PAK3: variants seen among roughly 807,000 people sequenced by gnomAD.
PAK3 encodes the protein p21 (RAC1) activated kinase 3, also known as serine/threonine-protein kinase PAK 3.
Under a neutral mutation model 41.0 loss-of-function variants are expected in PAK3, and 4 were observed. The ratio of observed to expected loss-of-function variants is 0.10; its 90% CI spans 0.05 to 0.22. PAK3 has a LOEUF of 0.22. Ranked by LOEUF, PAK3 falls within the 10% of genes least tolerant of loss-of-function variation. PAK3 has a pLI of 1.00. For missense variants in PAK3, 205 were observed against 409.9 expected (o/e 0.50, Z 4.32); for synonymous variants, 146 against 139.6 (o/e 1.05, Z -0.32).
In PAK3 at chrX:111,220,484, G is replaced by A; in HGVS notation, c.*37G>A. The A allele has an allele frequency of 2.2e-6, 2 of 893,423 alleles. No individual in the cohort carries two copies. Among genetic ancestry groups the A allele is most frequent in the East Asian group, 6.2e-5 (2 of 32,081 alleles). 73.6% of individuals were successfully genotyped at this position (893,423 alleles called of 1,213,427 possible). On this transcript the variant is annotated 3_prime_UTR_variant, in exon 18 of 18. Coordinates refer to ENST00000372007, the MANE Select transcript of PAK3 (RefSeq NM_002578.5). Reference sequence around the variant, plus strand: ...TTACACCTCACCATCTCCCTCATGAGTAAGACTGAAATAAAACTCTGCTGC... The same window carrying A: ...TTACACCTCACCATCTCCCTCATGAATAAGACTGAAATAAAACTCTGCTGC...
intron 5 of PAK3, among the ~76,000 whole-genome samples, chrX:111,139,402 T>C (rs897717572): frequency 9.8e-5 from 11 of 112,262 alleles, no homozygotes; most frequent in African/African-American, 3.6e-4. Flanking sequence ...AATTTTGCAC[T>C]TCCTTAATTG....
chrX:111,132,166 C>A, intron 5 of PAK3, among the ~76,000 whole-genome samples: 1 of 110,646 alleles, frequency 9.0e-6, no homozygotes, highest in South Asian at 4.0e-4. Flanking sequence ...CATCTATCAT[C>A]CAGCTAAAGA....
At chrX:110,985,543 G>T (rs1172304812) in intron 1 of PAK3, among the ~76,000 whole-genome samples, 1 of 112,296 alleles carries the variant, frequency 8.9e-6, no homozygotes, top group Non-Finnish European at 1.9e-5. Context: ...GCTCTAAGAT[G>T]AACCTCAGCT....
At chrX:110,994,347 C>G (rs1021413172) in intron 1 of PAK3, among the ~76,000 whole-genome samples, 1 of 111,732 alleles carries the variant, frequency 8.9e-6, no homozygotes, top group South Asian at 3.8e-4. Flanking sequence ...GCCCTACTTT[C>G]GAGTGTGTTT....
chrX:110,985,646 G>C (rs2091528676), intron 1 of PAK3, among the ~76,000 whole-genome samples: 1 of 112,265 alleles, frequency 8.9e-6, no homozygotes, highest in African/African-American at 3.2e-5. Context: ...TGCAAGACCA[G>C]TTTGGTCAGG....
In PAK3 at chrX:110,949,850, A is replaced by C. The variant is rs1416026131; in HGVS notation, c.-28+5222A>C. 2.7e-5 allele frequency among the ~76,000 whole-genome samples: 3 copies of C among 111,751 alleles called. No homozygotes were observed. The East Asian group carries it at 8.5e-4, about 31-fold the overall frequency. ...AGTGGGGAAGCTAGGCAGGTGGGAA[A>C]TTTGGGAGGACTGGGGAGGGGGTCA... is the stretch of plus-strand genomic sequence containing the variant. On this transcript the variant is annotated intron_variant, in intron 1 of 14. Coordinates refer to the PAK3 transcript ENST00000425146.
intron 4 of PAK3, among the ~76,000 whole-genome samples, chrX:111,106,602 C>T (rs1456134505): frequency 9.0e-6 from 1 of 111,279 alleles, no homozygotes; most frequent in Non-Finnish European, 1.9e-5. Flanking sequence ...CACACTCTCA[C>T]TCATACATAC....
chrX:111,178,980 T>TAGAGAGAG (rs1556239020), intron 11 of PAK3, among the ~76,000 whole-genome samples: 1 of 91,599 alleles, frequency 1.1e-5, no homozygotes, highest in African/African-American at 4.0e-5. Context: ...TATATATATA[T>TAGAGAGAG]AGAGAGAGAG....
chrX:111,209,456 T>C (rs2094795085), intron 16 of PAK3, among the ~76,000 whole-genome samples: 1 of 112,580 alleles, frequency 8.9e-6, no homozygotes, highest in Non-Finnish European at 1.9e-5. Context: ...ATAACATTTA[T>C]ATAGATATCA....
intron 1 of PAK3, among the ~76,000 whole-genome samples, chrX:110,944,965 A>G (rs1041177136): frequency 1.8e-5 from 2 of 111,640 alleles, no homozygotes; most frequent in South Asian, 3.8e-4. Flanking sequence ...GCGGGGAGAG[A>G]TGGATGGAGA....
At chrX:111,197,172 C>A in intron 16 of PAK3, among the ~76,000 whole-genome samples, 1 of 111,512 alleles carries the variant, frequency 9.0e-6, no homozygotes, top group Non-Finnish European at 1.9e-5. Flanking sequence ...AGTGAACATG[C>A]AACATTTGGT....
chrX:111,101,189 G>A (rs1247066074), intron 3 of PAK3, among the ~76,000 whole-genome samples: 2 of 111,969 alleles, frequency 1.8e-5, no homozygotes, highest in African/African-American at 6.5e-5. Context: ...ATATGACACA[G>A]CACACATACA....
chrX:111,035,317 G>C (rs1438208909), intron 1 of PAK3, among the ~76,000 whole-genome samples: 1 of 111,312 alleles, frequency 9.0e-6, no homozygotes, highest in Admixed American at 9.5e-5. Context: ...CAAGGATTCT[G>C]CCTCTTGTTT....
chrX:111,194,021 T>C (rs1460039425), intron 13 of PAK3, among the ~76,000 whole-genome samples: 4 of 111,449 alleles, frequency 3.6e-5, no homozygotes, highest in African/African-American at 6.5e-5. Flanking sequence ...TCTTTCTTGA[T>C]AAGCAAGGTT....
At chrX:111,164,188 A>C in intron 10 of PAK3, among the ~76,000 whole-genome samples, 1 of 111,076 alleles carries the variant, frequency 9.0e-6, no homozygotes, top group Non-Finnish European at 1.9e-5. Flanking sequence ...GAACTAGCAA[A>C]TGCTAGTAGC....
chrX:111,172,620 T>G (rs986637836), intron 10 of PAK3, among the ~76,000 whole-genome samples: 2 of 111,620 alleles, frequency 1.8e-5, no homozygotes, highest in African/African-American at 6.5e-5. Flanking sequence ...TTTTCTTGCA[T>G]TTGTTTGCTT....
At position 111,178,978 on chromosome X, in the gene PAK3, T is replaced by TAG. The variant is rs1278340574; in HGVS notation, c.830+5898_830+5899insGA. 5.3e-3 allele frequency among the ~76,000 whole-genome samples: 490 copies of TAG among 92,525 alleles called. 5 individuals are homozygous for TAG. The highest frequency in any genetic ancestry group is 0.015 in the African/African-American group (358 of 24,263). The allele number at this position is 92,525 out of a possible 115,157, so 80.3% of individuals were successfully genotyped here. On this transcript the variant is annotated intron_variant, in intron 11 of 17. Coordinates refer to ENST00000372007, the MANE Select transcript of PAK3 (RefSeq NM_002578.5). ...ACTGTTTTATATATATATATATATA[T>TAG]ATAGAGAGAGAGATATCTGTATATC...
intron 1 of PAK3, among the ~76,000 whole-genome samples, chrX:111,069,264 T>G (rs1467978584): frequency 1.8e-5 from 2 of 111,828 alleles, no homozygotes; most frequent in Admixed American, 1.9e-4. Context: ...TACTGGTTTG[T>G]AGCTACACTT....
At chrX:110,963,591 C>A (rs1454653078) in intron 1 of PAK3, among the ~76,000 whole-genome samples, 1 of 112,464 alleles carries the variant, frequency 8.9e-6, no homozygotes, top group African/African-American at 3.2e-5. Flanking sequence ...ACCTAAGCCT[C>A]TAGTGTCATC....
Sources: gnomAD v4.1 joint callset for allele counts (sites outside exome capture counted in the v4.1 genomes callset) on GRCh38, gnomAD v4.1.1 for gene constraint, MANE v1.5 for transcripts, NCBI Gene and HGNC (gene_info 2026-07-23, HGNC 2026-07-21) for gene names.